ACE: variants seen among roughly 807,000 people sequenced by gnomAD.
ACE encodes the protein angiotensin I converting enzyme.
In ACE, 122 loss-of-function variants were observed where a neutral mutation model predicts 162.3. The ratio of observed to expected loss-of-function variants is 0.75; its 90% CI spans 0.65 to 0.87. The LOEUF is 0.87. Among genes scored for constraint, ACE ranks in the 40% least tolerant of loss-of-function variants. The probability of loss-of-function intolerance (pLI) is 0.00; values close to 1 mark genes in which losing one functional copy is unlikely to be tolerated. For synonymous variants in ACE, 796 were observed against 720.6 expected (o/e 1.10, Z -1.68); for missense variants, 1,799 against 1,735.1 (o/e 1.04, Z -0.65).
chr17:63,494,153 G>A, intron 21 of ACE, 87 bp downstream of exon 21: 1 of 1,551,834 alleles, frequency 6.4e-7, no homozygotes, highest in Non-Finnish European at 8.8e-7. Context: ...CCAGGGTAGG[G>A]GAGTGTGTGT....
At chr17:63,477,639 C>G (rs1391013732) in intron 1 of ACE, 5 of 456,172 alleles carry the variant, frequency 1.1e-5, no homozygotes, top group Non-Finnish European at 2.0e-5. Context: ...TGCCTTCTCA[C>G]CTCCGGACGC....
At chr17:63,487,958 G>T (rs921447939) in intron 15 of ACE, among the ~76,000 whole-genome samples, 1 of 152,216 alleles carries the variant, frequency 6.6e-6, no homozygotes, top group African/African-American at 2.4e-5. Flanking sequence ...AGGCTGGCCG[G>T]GTGTGGTGGC....
intron 3 of ACE, 35 bp from the exon 4 acceptor site, chr17:63,479,734 G>A (rs1306583549): frequency 3.1e-6 from 5 of 1,611,782 alleles, no homozygotes; most frequent in Non-Finnish European, 3.4e-6. Context: ...TCAACGTGGA[G>A]GCCTCCTCAC....
chr17:63,487,142 G>A, intron 15 of ACE, 69 bp downstream of exon 15: 1 of 1,382,106 alleles, frequency 7.2e-7, no homozygotes, highest in Non-Finnish European at 1.0e-6. Context: ...GGGGTGCTGG[G>A]TGAGAGCACA....
At position 63,484,678 on chromosome 17, in the gene ACE, G is replaced by A; in HGVS notation, c.1921+137G>A. 6.9e-7 allele frequency: 1 copy of A among 1,448,666 alleles called. No individual in the cohort carries two copies. The highest frequency in any genetic ancestry group is 9.1e-7 in the Non-Finnish European group (1 of 1,098,114). The allele number at this position is 1,448,666 out of a possible 1,614,324, so 89.7% of individuals were successfully genotyped here. A position where few individuals can be genotyped will look rare whatever the true frequency, so the allele number is the denominator to read the frequency against. ...CCTGGAGGGCCAGGCAGCCCCCCAA[G>A]CTCATCAGCAGGGCCTGCGAGTGGG... On this transcript the variant is annotated intron_variant, in intron 12 of 24. Coordinates refer to ENST00000290866, the MANE Select transcript of ACE (RefSeq NM_000789.4). This position sits in a 1 kb window ranked among gnomAD's most constrained non-coding sequence, Gnocchi z 4.0.
chr17:63,482,184 C>T (rs1286612724), intron 7 of ACE, among the ~76,000 whole-genome samples: 3 of 152,044 alleles, frequency 2.0e-5, no homozygotes, highest in African/African-American at 7.3e-5. Flanking sequence ...GCCTGTAATC[C>T]CAGCTACTCA....
chr17:63,493,350 G>T, intron 19 of ACE, 86 bp from the exon 20 acceptor site: 1 of 1,316,392 alleles, frequency 7.6e-7, no homozygotes, highest in Non-Finnish European at 1.1e-6. Context: ...GTCTGCCCTG[G>T]GTATAGCAAG....
Position 63,484,601 on chromosome 17 carries a change from C to T in ACE, c.1921+60C>T, listed in dbSNP as rs1383567546. On this transcript the variant is annotated intron_variant, in intron 12 of 24. Coordinates refer to ENST00000290866, the MANE Select transcript of ACE (RefSeq NM_000789.4). The surrounding 1 kb of genome is among the most constrained non-coding windows in gnomAD (Gnocchi z 4.0). ...GTGGGTCCTCAACTCTGGGCTTGGC[C>T]CAGGCCCCAGGTTCCTGGTCAGCTC... is the stretch of plus-strand genomic sequence containing the variant. 4.5e-6 allele frequency: 7 copies of T among 1,539,830 alleles called. No homozygotes were observed. The East Asian group carries it at 7.1e-5, about 16-fold the overall frequency.
In ACE at chr17:63,484,085, G is replaced by A. The variant is rs1262914528; in HGVS notation, c.1709+114G>A. On this transcript the variant is annotated intron_variant, in intron 11 of 24. Coordinates refer to ENST00000290866, the MANE Select transcript of ACE (RefSeq NM_000789.4). This position sits in a 1 kb window ranked among gnomAD's most constrained non-coding sequence, Gnocchi z 4.0. Reference sequence around the variant, plus strand: ...GTGGGGGGCACCAACCACAGAGCTGGACTGATGTGGATGCCTGTCTCCTCG... The same window carrying A: ...GTGGGGGGCACCAACCACAGAGCTGAACTGATGTGGATGCCTGTCTCCTCG... 3 of 1,475,132 alleles carry A rather than the reference G, an allele frequency of 2.0e-6. No individual in the cohort carries two copies. Among genetic ancestry groups the A allele is most frequent in the Non-Finnish European group, 1.8e-6 (2 of 1,098,750 alleles). 91.4% of individuals were successfully genotyped at this position (1,475,132 alleles called of 1,614,324 possible). A position where few individuals can be genotyped will look rare whatever the true frequency, so the allele number is the denominator to read the frequency against.
chr17:63,494,765 G>A (rs1249077306), intron 22 of ACE, among the ~76,000 whole-genome samples: 1 of 152,208 alleles, frequency 6.6e-6, no homozygotes, highest in East Asian at 1.9e-4. Flanking sequence ...CACGACTCAT[G>A]GCTGGATCAT....
rs2049631560 is a variant in ACE, at chr17:63,477,257, T to C, written c.163T>C (p.Ser55Pro). The C allele has an allele frequency of 6.7e-7, 1 of 1,493,316 alleles. No homozygotes were observed. 92.5% of individuals were successfully genotyped at this position (1,493,316 alleles called of 1,614,324 possible). A position where few individuals can be genotyped will look rare whatever the true frequency, so the allele number is the denominator to read the frequency against. Reference sequence around the variant, plus strand: ...GCAGCTCTTCGCGCAGAGCTACAACTCCAGCGCCGAACAGGTGCTGTTCCA... The same window carrying C: ...GCAGCTCTTCGCGCAGAGCTACAACCCCAGCGCCGAACAGGTGCTGTTCCA... Reference protein sequence around the residue: ...GAQLFAQSYNSSAEQVLFQSV... With the variant: ...GAQLFAQSYNPSAEQVLFQSV... Residue 55 changes from serine (S) to proline (P), a missense_variant, in exon 1 of 25, where the codon TCC (serine) becomes CCC (proline). Physicochemically the swap from Ser to Pro is moderately conservative, Grantham distance 74 (BLOSUM62 -1). Transcript: ENST00000290866.
chr17:63,484,332 A>C lies in ACE; in HGVS notation c.1712A>C (p.Lys571Thr), dbSNP rs2029862390. Residue 571 changes from lysine (K) to threonine (T), a missense_variant and splice_region_variant, in exon 12 of 25, where the codon AAG becomes ACG. Coordinates refer to ENST00000290866, the MANE Select transcript of ACE (RefSeq NM_000789.4). The surrounding 1 kb of genome is among the most constrained non-coding windows in gnomAD (Gnocchi z 4.0). ...ATGGTACCCACTCTGCCCACCAGGA[A>C]GGTGCTGCAGGCTGGCTCCTCCAGG... ...RSTKAGAKLR[K>T]VLQAGSSRPW... 2 of 1,610,044 alleles carry C rather than the reference A, an allele frequency of 1.2e-6. No homozygotes were observed. Among genetic ancestry groups the C allele is most frequent in the African/African-American group, 1.3e-5 (1 of 74,844 alleles).
intron 22 of ACE, among the ~76,000 whole-genome samples, chr17:63,495,082 ACTT>A (rs2030646303): frequency 6.6e-6 from 1 of 152,122 alleles, no homozygotes; most frequent in Non-Finnish European, 1.5e-5. Flanking sequence ...ACGATGGCTA[ACTT>A]CTTAGCATTC....
rs1378180943 is a variant in ACE at position 63,484,030 on chromosome 17, T to G, written c.1709+59T>G. Reference sequence around the variant, plus strand: ...AGAGAGGAGCGGCTGGCAAAGGGTGTGGCAGGAGGTGTCTGGCTGCTCTGA... The same window carrying G: ...AGAGAGGAGCGGCTGGCAAAGGGTGGGGCAGGAGGTGTCTGGCTGCTCTGA... On this transcript the variant is annotated intron_variant, in intron 11 of 24. Coordinates refer to ENST00000290866, the MANE Select transcript of ACE (RefSeq NM_000789.4). This position sits in a 1 kb window ranked among gnomAD's most constrained non-coding sequence, Gnocchi z 4.0. 7 of 1,554,150 alleles carry G rather than the reference T, an allele frequency of 4.5e-6. No homozygotes were observed. Among genetic ancestry groups the G allele is most frequent in the Non-Finnish European group, 6.1e-6 (7 of 1,152,168 alleles).
Position 63,497,672 on chromosome 17 carries a change from C to T in ACE, c.*306C>T. ...GCCAGGGACAGGGACAGGCTGCTTT[C>T]CTGCCTCCTGGCAGTCAAGTGGGTC... On this transcript the variant is annotated 3_prime_UTR_variant, in exon 25 of 25. Transcript: ENST00000290866. 2 of 590,868 alleles carry T rather than the reference C, an allele frequency of 3.4e-6. No individual in the cohort carries two copies. The highest frequency in any genetic ancestry group is 2.5e-5 in the Admixed American group (1 of 39,326). 36.6% of individuals were successfully genotyped at this position (590,868 alleles called of 1,614,324 possible). A position where few individuals can be genotyped will look rare whatever the true frequency, so the allele number is the denominator to read the frequency against.
At chr17:63,481,794 A>G in intron 7 of ACE, 56 bp downstream of exon 7, 5 of 1,610,714 alleles carry the variant, frequency 3.1e-6, no homozygotes, top group Non-Finnish European at 4.2e-6. Context: ...GCCCGGGGAA[A>G]GGCAGGCAGC....
Position 63,480,423 on chromosome 17 carries a change from G to C in ACE, c.742G>C (p.Glu248Gln), listed in dbSNP as rs775849960. ...TCTGGAACACCTCTACCAACAGCTA[G>C]AGCCCCTCTACCTGAACCTCCATGC... ...DDLEHLYQQL[E>Q]PLYLNLHAFV... Residue 248 changes from glutamate to glutamine, a missense_variant, in exon 5 of 25, where the codon GAG (glutamate) becomes CAG (glutamine). Glu to Gln is a conservative substitution (Grantham distance 29, BLOSUM62 2). Coordinates refer to ENST00000290866, the MANE Select transcript of ACE (RefSeq NM_000789.4). 5 of 1,614,040 alleles carry C rather than the reference G, an allele frequency of 3.1e-6. No homozygotes were observed. In the South Asian group the frequency reaches 3.3e-5, roughly 11 times the overall value.
Position 63,483,567 on chromosome 17 carries a change from G to GCGGGGGGGGGGGGCCCCC in ACE, c.1586+10_1586+11insGGGGGGGGGGGGCCCCCC. On this transcript the variant is annotated intron_variant, in intron 10 of 24. Coordinates refer to ENST00000290866, the MANE Select transcript of ACE (RefSeq NM_000789.4). ...GTGACACCATACATCAGGTATTAGC[G>GCGGGGGGGGGGGGCCCCC]CCCCCACCCCACCCACCCCCAGTAC... 1 of 1,589,552 alleles carries GCGGGGGGGGGGGGCCCCC rather than the reference G, an allele frequency of 6.3e-7. No homozygotes were observed.
Position 63,484,928 on chromosome 17 carries a change from G to A in ACE, c.1922-308G>A, listed in dbSNP as rs552179722. The stretch of plus-strand genomic sequence containing the variant: ...CCTCCTCTTCCTGCTGCTCTGCTAC[G>A]GGCACCCTCTGCTGGTCCCCAGCCA... On this transcript the variant is annotated intron_variant, in intron 12 of 24. Transcript: ENST00000290866. This position sits in a 1 kb window ranked among gnomAD's most constrained non-coding sequence, Gnocchi z 4.0. 32 of 1,596,808 alleles carry A rather than the reference G, an allele frequency of 2.0e-5. No homozygotes were observed. Among genetic ancestry groups the A allele is most frequent in the East Asian group, 2.3e-5 (1 of 43,916 alleles).
Sources: allele counts gnomAD v4.1 joint callset (sites outside exome capture counted in the v4.1 genomes callset), GRCh38; gene constraint gnomAD v4.1.1; non-coding constraint Gnocchi (gnomAD v3.1); transcripts MANE v1.5; gene names NCBI Gene and HGNC (gene_info 2026-07-23, HGNC 2026-07-21).